Variants in MYO16 observed in about 807,000 individuals in gnomAD.
MYO16 encodes myosin XVI.
In MYO16, 94 loss-of-function variants were observed where a neutral mutation model predicts 205.3. That is an observed-to-expected ratio of 0.46 (90% CI 0.39 to 0.54). MYO16 has a LOEUF of 0.54. MYO16 is among the 20% of genes least tolerant of loss of function. The pLI is 0.00. For missense variants in MYO16, 2,315 were observed against 2,387.5 expected (o/e 0.97, Z 0.63); for synonymous variants, 988 against 954.0 (o/e 1.04, Z -0.66).
At chr13:108,921,139 C>T (rs1490332811) in intron 16 of MYO16, among the ~76,000 whole-genome samples, 1 of 152,202 alleles carries the variant, frequency 6.6e-6, no homozygotes, top group Non-Finnish European at 1.5e-5. Flanking sequence ...CTGATATAGT[C>T]GGTGTTTCTT....
intron 23 of MYO16, among the ~76,000 whole-genome samples, chr13:109,022,254 A>ATGTAC: frequency 1.5e-5 from 2 of 129,562 alleles, no homozygotes; most frequent in Non-Finnish European, 3.1e-5. Flanking sequence ...TATATATACA[A>ATGTAC]ATATATATAC....
At chr13:109,151,873 G>A (rs1877689420) in intron 32 of MYO16, among the ~76,000 whole-genome samples, 1 of 152,160 alleles carries the variant, frequency 6.6e-6, no homozygotes, top group Non-Finnish European at 1.5e-5. Context: ...GTTACTTGCT[G>A]AGGCCACATC....
intron 28 of MYO16, among the ~76,000 whole-genome samples, chr13:109,114,862 A>C (rs1875595705): frequency 6.6e-6 from 1 of 152,190 alleles, no homozygotes; most frequent in South Asian, 2.1e-4. Flanking sequence ...ATTAAGTGAC[A>C]CATACAATAC....
At position 108,862,263 on chromosome 13, in the gene MYO16, G is replaced by A. The variant is rs145290996; in HGVS notation, c.1360-3914G>A. On this transcript the variant is annotated intron_variant, in intron 11 of 34. Coordinates refer to ENST00000457511, the MANE Select transcript of MYO16 (RefSeq NM_001198950.3). ...TCCTGAAAGCTGAATTCTAGGGAAAGGATTATTGTGGTTTTGGTTGTATGC... is the reference window on the plus strand; with the variant it reads ...TCCTGAAAGCTGAATTCTAGGGAAAAGATTATTGTGGTTTTGGTTGTATGC... Among the ~76,000 whole-genome samples, 60 of 152,282 alleles carry A rather than the reference G, an allele frequency of 3.9e-4. No individual in the cohort carries two copies. In the East Asian group the frequency reaches 7.3e-3, roughly 19 times the overall value.
At chr13:108,616,199 T>C (rs750922245) in intron 1 of MYO16, among the ~76,000 whole-genome samples, 1 of 152,232 alleles carries the variant, frequency 6.6e-6, no homozygotes. Context: ...AGTCTTTCTA[T>C]AACTAGTTTT....
chr13:108,752,484 G>T lies in MYO16; in HGVS notation c.507+24901G>T, dbSNP rs1374646306. On this transcript the variant is annotated intron_variant, in intron 4 of 34. Coordinates refer to ENST00000457511, the MANE Select transcript of MYO16 (RefSeq NM_001198950.3). ...AAATTCCCGGGATAACTCTGTAAGTGCAAATGTTATAGTCATTCGTCACTG... is the reference window on the plus strand; with the variant it reads ...AAATTCCCGGGATAACTCTGTAAGTTCAAATGTTATAGTCATTCGTCACTG... Among the ~76,000 whole-genome samples the T allele has an allele frequency of 4.6e-5, 7 of 152,152 alleles. No individual in the cohort carries two copies. The East Asian group carries it at 1.3e-3, about 29-fold the overall frequency.
intron 28 of MYO16, among the ~76,000 whole-genome samples, chr13:109,108,656 C>T (rs1889194660): frequency 6.6e-6 from 1 of 152,172 alleles, no homozygotes; most frequent in Non-Finnish European, 1.5e-5. Flanking sequence ...AATAAATAAT[C>T]ACAGGTTAGG....
chr13:108,534,731 C>T, the MYO16 span, among the ~76,000 whole-genome samples: 2 of 152,122 alleles, frequency 1.3e-5, no homozygotes, highest in East Asian at 3.9e-4. Context: ...CAGTTCCTTA[C>T]TACTGCTACT....
At chr13:109,089,478 G>C (rs1335545119) in intron 27 of MYO16, among the ~76,000 whole-genome samples, 1 of 152,130 alleles carries the variant, frequency 6.6e-6, no homozygotes, top group Non-Finnish European at 1.5e-5. Flanking sequence ...GCCTCCCAAA[G>C]TGCTGGGATT....
At chr13:108,611,985 T>TTTTTTTTTTTTTTTTC (rs1879192377) in intron 1 of MYO16, among the ~76,000 whole-genome samples, 1 of 142,978 alleles carries the variant, frequency 7.0e-6, no homozygotes, top group Non-Finnish European at 1.5e-5. Flanking sequence ...TTTTTTTTTT[T>TTTTTTTTTTTTTTTTC]TTTTTTTTGA....
intron 2 of MYO16, among the ~76,000 whole-genome samples, chr13:108,680,405 T>C (rs1882413635): frequency 6.6e-6 from 1 of 152,236 alleles, no homozygotes; most frequent in Admixed American, 6.5e-5. Flanking sequence ...ATTCATCTTA[T>C]TGAATGTCAG....
chr13:108,538,162 T>C, the MYO16 span, among the ~76,000 whole-genome samples: 2 of 152,090 alleles, frequency 1.3e-5, no homozygotes, highest in East Asian at 3.9e-4. Flanking sequence ...CAAAATATAT[T>C]TATGTATGGG....
chr13:108,853,954 TTGTGTGTGTGTG>T (rs5806760), intron 10 of MYO16, among the ~76,000 whole-genome samples: 18 of 138,486 alleles, frequency 1.3e-4, no homozygotes, highest in African/African-American at 3.7e-4. Context: ...GTTTCTATTA[TTGTGTGTGTGTG>T]TGTGTGTGTG....
At chr13:108,992,799 C>T (rs780695950) in intron 21 of MYO16, among the ~76,000 whole-genome samples, 9 of 152,126 alleles carry the variant, frequency 5.9e-5, no homozygotes, top group Non-Finnish European at 1.0e-4. Context: ...GGCTAAACAT[C>T]AGAATGAAAA....
At chr13:108,652,164 C>CGT (rs1421039291) in intron 1 of MYO16, among the ~76,000 whole-genome samples, 2 of 151,026 alleles carry the variant, frequency 1.3e-5, no homozygotes, top group Admixed American at 6.6e-5. Context: ...TGCGCGCGCG[C>CGT]GCATGTGTGC....
At chr13:109,197,341 G>A (rs757794337) in intron 34 of MYO16, among the ~76,000 whole-genome samples, 13 of 152,172 alleles carry the variant, frequency 8.5e-5, no homozygotes, top group African/African-American at 1.4e-4. Context: ...GTTGCTTGAA[G>A]GCACTCTCTT....
intron 7 of MYO16, among the ~76,000 whole-genome samples, chr13:108,818,303 G>A (rs1566348808): frequency 6.6e-6 from 1 of 151,796 alleles, no homozygotes; most frequent in African/African-American, 2.4e-5. Flanking sequence ...AGAATCGCTT[G>A]AACCTGGGAG....
intron 1 of MYO16, among the ~76,000 whole-genome samples, chr13:108,657,470 T>C (rs1413664976): frequency 1.3e-5 from 2 of 152,246 alleles, no homozygotes; most frequent in Admixed American, 6.5e-5. Context: ...ATCTGCAGCA[T>C]ATTTCGAGAG....
At chr13:108,643,594 T>G (rs181890372) in intron 1 of MYO16, among the ~76,000 whole-genome samples, 53 of 152,368 alleles carry the variant, frequency 3.5e-4, no homozygotes, top group African/African-American at 1.2e-3. Flanking sequence ...GCATGATGCA[T>G]CTGGCAATCA....
Sources: gnomAD v4.1 joint callset for allele counts (sites outside exome capture counted in the v4.1 genomes callset) on GRCh38, gnomAD v4.1.1 for gene constraint, MANE v1.5 for transcripts, NCBI Gene and HGNC (gene_info 2026-07-23, HGNC 2026-07-21) for gene names.